The following RSPO2 variants were observed in gnomAD, a reference collection of about 807,000 sequenced individuals.
RSPO2 encodes R-spondin 2.
A neutral mutation model predicts 30.9 loss-of-function variants in RSPO2; 14 were observed. That is an observed-to-expected ratio of 0.45 (90% CI 0.30 to 0.71). RSPO2 has a LOEUF of 0.71. Among genes scored for constraint, RSPO2 ranks in the 30% least tolerant of loss-of-function variants. RSPO2 has a pLI of 0.08. For missense variants in RSPO2, 264 were observed against 301.9 expected (o/e 0.87, Z 0.93); for synonymous variants, 107 against 96.4 (o/e 1.11, Z -0.64).
At chr8:108,065,332 T>C (rs1281460432) in intron 2 of RSPO2, among the ~76,000 whole-genome samples, 2 of 150,676 alleles carry the variant, frequency 1.3e-5, no homozygotes, top group South Asian at 2.1e-4. Context: ...GGCACTTTAC[T>C]AGTAAGAAAA....
intron 2 of RSPO2, among the ~76,000 whole-genome samples, chr8:108,011,579 A>G: frequency 6.6e-6 from 1 of 152,368 alleles, no homozygotes; most frequent in East Asian, 1.9e-4. Flanking sequence ...GTACCAAAGT[A>G]CATGGATTAT....
chr8:108,002,054 A>G (rs887452772), intron 2 of RSPO2, among the ~76,000 whole-genome samples: 1 of 152,006 alleles, frequency 6.6e-6, no homozygotes, highest in African/African-American at 2.4e-5. Context: ...AAAGTATAAT[A>G]AAAAAAAGTT....
At chr8:107,955,054 C>G (rs1813378287) in intron 5 of RSPO2, among the ~76,000 whole-genome samples, 1 of 152,118 alleles carries the variant, frequency 6.6e-6, no homozygotes, top group Non-Finnish European at 1.5e-5. Context: ...GCAGAGTCCT[C>G]CCTGAAGTAG....
intron 5 of RSPO2, among the ~76,000 whole-genome samples, chr8:107,907,864 CTTCT>C (rs1348094237): frequency 2.0e-5 from 3 of 152,154 alleles, no homozygotes; most frequent in Admixed American, 1.3e-4. Context: ...TATGAAATGG[CTTCT>C]TTAAGACTTC....
At chr8:108,048,608 T>C (rs1038626177) in intron 2 of RSPO2, among the ~76,000 whole-genome samples, 4 of 152,192 alleles carry the variant, frequency 2.6e-5, no homozygotes, top group African/African-American at 7.2e-5. Context: ...GTTGATCTTT[T>C]CAAAAAACCC....
In RSPO2 at chr8:108,054,479, T is replaced by C. The variant is rs142731999; in HGVS notation, c.94+28066A>G. ...GGCCTGGAAGTAGTAAATATATCAC[T>C]TCCACCCACATTCCATGAGTCAAAA... On this transcript the variant is annotated intron_variant, in intron 2 of 5. Coordinates refer to ENST00000276659, the MANE Select transcript of RSPO2 (RefSeq NM_178565.5). 1.6e-4 allele frequency among the ~76,000 whole-genome samples: 25 copies of C among 152,166 alleles called. No homozygotes were observed. The East Asian group carries it at 4.6e-3, about 28-fold the overall frequency.
intron 2 of RSPO2, among the ~76,000 whole-genome samples, chr8:108,078,268 G>A (rs72682226): frequency 0.012 from 1,843 of 152,252 alleles, 12 homozygotes; most frequent in Non-Finnish European, 0.02. Context: ...CTCTGTACTG[G>A]TAAGACCCTG....
chr8:107,918,715 C>T (rs1335722850), intron 5 of RSPO2, among the ~76,000 whole-genome samples: 1 of 151,932 alleles, frequency 6.6e-6, no homozygotes, highest in Non-Finnish European at 1.5e-5. Context: ...TTTTAAAAGC[C>T]TATGTGAAAA....
chr8:107,971,262 C>T (rs950739108), intron 3 of RSPO2, among the ~76,000 whole-genome samples: 1 of 152,098 alleles, frequency 6.6e-6, no homozygotes, highest in Non-Finnish European at 1.5e-5. Context: ...ATACAATTAC[C>T]TCTATTAAAC....
At chr8:108,001,319 G>A (rs953771127) in intron 2 of RSPO2, among the ~76,000 whole-genome samples, 2 of 152,188 alleles carry the variant, frequency 1.3e-5, no homozygotes, top group African/African-American at 4.8e-5. Context: ...TTAAAATCGT[G>A]AGACCTCAAT....
intron 5 of RSPO2, among the ~76,000 whole-genome samples, chr8:107,917,228 T>TA (rs1812009777): frequency 6.6e-6 from 1 of 152,158 alleles, no homozygotes; most frequent in African/African-American, 2.4e-5. Flanking sequence ...CTCATGCCTG[T>TA]AATCCCAGCA....
At chr8:107,951,620 G>T (rs530634509) in intron 5 of RSPO2, among the ~76,000 whole-genome samples, 1 of 152,226 alleles carries the variant, frequency 6.6e-6, no homozygotes, top group South Asian at 2.1e-4. Context: ...ACCCATAAAA[G>T]AGACTAGTAC....
At chr8:107,992,085 A>G (rs1190626554) in intron 2 of RSPO2, among the ~76,000 whole-genome samples, 1 of 151,998 alleles carries the variant, frequency 6.6e-6, no homozygotes, top group Admixed American at 6.6e-5. Flanking sequence ...ACATACACAC[A>G]TATGTTCATT....
intron 2 of RSPO2, among the ~76,000 whole-genome samples, chr8:108,034,131 A>G (rs1403825484): frequency 1.3e-5 from 2 of 152,198 alleles, no homozygotes; most frequent in Admixed American, 6.5e-5. Flanking sequence ...CTAAGGACAG[A>G]AAATTGAAAG....
chr8:107,973,282 G>GGA (rs200267637), intron 3 of RSPO2, among the ~76,000 whole-genome samples: 1,804 of 146,152 alleles, frequency 0.012, 43 homozygotes, highest in African/African-American at 0.045. Context: ...AAAAAAAAAT[G>GGA]GGGGGGGAAC....
At chr8:107,963,944 C>T (rs2130450196) in intron 3 of RSPO2, among the ~76,000 whole-genome samples, 1 of 152,284 alleles carries the variant, frequency 6.6e-6, no homozygotes, top group African/African-American at 2.4e-5. Context: ...CTTCATTTAG[C>T]CATCTCCGTA....
At chr8:108,061,131 A>G (rs200275018) in intron 2 of RSPO2, among the ~76,000 whole-genome samples, 1 of 151,706 alleles carries the variant, frequency 6.6e-6, no homozygotes, top group South Asian at 2.1e-4. Flanking sequence ...ATCAACTAAC[A>G]AGCAAAATAA....
chr8:107,944,430 TAGA>T (rs1252398870), intron 5 of RSPO2, among the ~76,000 whole-genome samples: 1 of 152,166 alleles, frequency 6.6e-6, no homozygotes, highest in Non-Finnish European at 1.5e-5. Context: ...TGGTATATCA[TAGA>T]ATCTTGCAGA....
intron 5 of RSPO2, among the ~76,000 whole-genome samples, chr8:107,931,442 A>G (rs1014307572): frequency 6.6e-6 from 1 of 152,168 alleles, no homozygotes; most frequent in Non-Finnish European, 1.5e-5. Context: ...TGTTATCACT[A>G]CATATTACTT....
Sources: allele counts gnomAD v4.1 joint callset (sites outside exome capture counted in the v4.1 genomes callset), GRCh38; gene constraint gnomAD v4.1.1; transcripts MANE v1.5; gene names NCBI Gene and HGNC (gene_info 2026-07-23, HGNC 2026-07-21).